The following UNC79 variants were observed in gnomAD, a reference collection of about 807,000 sequenced individuals.
UNC79 encodes unc-79 subunit of NALCN channel complex, also known as protein unc-79 homolog.
Under a neutral mutation model 283.1 loss-of-function variants are expected in UNC79, and 37 were observed. The observed-to-expected ratio is 0.13, with a 90% CI of 0.10 to 0.17. The LOEUF (loss-of-function observed/expected upper bound fraction) is 0.17, where lower values mean the gene tolerates loss of function less well. Ranked by LOEUF, UNC79 falls within the 10% of genes least tolerant of loss-of-function variation. The pLI is 1.00. For missense variants in UNC79, 2,272 were observed against 3,211.1 expected (o/e 0.71, Z 7.07); for synonymous variants, 1,107 against 1,200.2 (o/e 0.92, Z 1.61).
At chr14:93,541,954 G>A (rs1171725456) in intron 13 of UNC79, among the ~76,000 whole-genome samples, 5 of 141,580 alleles carry the variant, frequency 3.5e-5, no homozygotes, top group African/African-American at 1.3e-4. Flanking sequence ...GCAGTGAGCC[G>A]AGATCGCGCC....
At chr14:93,487,816 A>G (rs2058518791) in intron 5 of UNC79, 61 bp downstream of exon 5, 2 of 1,498,146 alleles carry the variant, frequency 1.3e-6, no homozygotes, top group Non-Finnish European at 1.8e-6. Context: ...AAGACATCAA[A>G]CAAGCAGGCT....
chr14:93,622,674 A>G, exon 30 of UNC79: 2 of 1,614,190 alleles, frequency 1.2e-6, no homozygotes, highest in Non-Finnish European at 1.7e-6. Flanking sequence ...ACAGAACAGA[A>G]TCCTGAAAGG....
At chr14:93,574,915 G>C (rs2063390279) in intron 16 of UNC79, 143 bp from the exon 17 acceptor site, 1 of 875,072 alleles carries the variant, frequency 1.1e-6, no homozygotes, top group Non-Finnish European at 1.7e-6. Context: ...AAAATTGGAG[G>C]ATGACTGTGT....
At position 93,474,064 on chromosome 14, in the gene UNC79, T is replaced by C. The variant is rs1218916365; in HGVS notation, c.144-25T>C. ...CTGTTCTTTGTGTCTTTGTTGTCTC[T>C]TTTTTTTCTTTGTCCCCCCAACAGC... On this transcript the variant is annotated intron_variant, in intron 2 of 48. Coordinates refer to ENST00000555664, the Ensembl canonical transcript of UNC79. This position sits in a 1 kb window ranked among gnomAD's most constrained non-coding sequence, Gnocchi z 4.1. The C allele has an allele frequency of 2.7e-6, 4 of 1,504,112 alleles. No individual in the cohort carries two copies. Among genetic ancestry groups the C allele is most frequent in the Non-Finnish European group, 3.5e-6 (4 of 1,129,218 alleles). The allele number at this position is 1,504,112 out of a possible 1,614,324, so 93.2% of individuals were successfully genotyped here.
At chr14:93,394,624 T>C (rs2054955802) in intron 1 of UNC79, among the ~76,000 whole-genome samples, 1 of 152,120 alleles carries the variant, frequency 6.6e-6, no homozygotes, top group African/African-American at 2.4e-5. Context: ...TTGGCCATGC[T>C]GGCCTTGAGC....
chr14:93,398,069 C>G lies in UNC79; in HGVS notation c.-351+64546C>G, dbSNP rs533219274. On this transcript the variant is annotated intron_variant, in intron 1 of 49. Transcript: ENST00000256339. ...CTTTTATGGAGAATTTCAGAGGTCCCTACTCCACCATTTTCAATGATGTCT... is the reference window on the plus strand; with the variant it reads ...CTTTTATGGAGAATTTCAGAGGTCCGTACTCCACCATTTTCAATGATGTCT... Among the ~76,000 whole-genome samples, 165 of 152,244 alleles carry G rather than the reference C, an allele frequency of 1.1e-3. 1 individual carries two copies. Among genetic ancestry groups the G allele is most frequent in the Admixed American group, 2.8e-3 (43 of 15,286 alleles).
At chr14:93,614,579 A>G (rs1479643861) in intron 27 of UNC79, among the ~76,000 whole-genome samples, 2 of 151,880 alleles carry the variant, frequency 1.3e-5, no homozygotes, top group Non-Finnish European at 2.9e-5. Context: ...TTGGCCTCCC[A>G]AAGTGCTAGA....
chr14:93,516,460 G>GT (rs2060066261), intron 7 of UNC79, among the ~76,000 whole-genome samples: 1 of 109,656 alleles, frequency 9.1e-6, no homozygotes, highest in Admixed American at 1.1e-4. Context: ...TGGGGGGGGG[G>GT]GTGGGGGATG....
At chr14:93,696,243 G>T (rs1376588705) in intron 47 of UNC79, among the ~76,000 whole-genome samples, 1 of 152,016 alleles carries the variant, frequency 6.6e-6, no homozygotes, top group African/African-American at 2.4e-5. Flanking sequence ...TCCAGTTTGG[G>T]GCTTTTACAG....
chr14:93,362,015 C>A (rs1455417623), intron 1 of UNC79, among the ~76,000 whole-genome samples: 1 of 152,128 alleles, frequency 6.6e-6, no homozygotes, highest in Non-Finnish European at 1.5e-5. Context: ...GTTGAACCAA[C>A]CTTGCATCTC....
In UNC79 at chr14:93,477,589, A is replaced by C. The variant is rs369024567; in HGVS notation, c.480A>C (p.Thr160=). The change falls in exon 4 of 49, where the codon ACA becomes ACC. Residue 160 remains threonine, a synonymous_variant. Transcript: ENST00000555664. ...GACAGTCGATATTTTATACAACTACATGTTTGCTACCTTTTCTCAATGATG... is the reference window on the plus strand; with the variant it reads ...GACAGTCGATATTTTATACAACTACCTGTTTGCTACCTTTTCTCAATGATG... 3.5e-5 allele frequency: 57 copies of C among 1,609,336 alleles called. No individual in the cohort carries two copies. In the African/African-American group the frequency reaches 5.7e-4, roughly 16 times the overall value.
intron 14 of UNC79, among the ~76,000 whole-genome samples, chr14:93,549,915 C>T (rs1167780203): frequency 6.6e-6 from 1 of 152,186 alleles, no homozygotes; most frequent in Admixed American, 6.5e-5. Flanking sequence ...AAGAAGACAG[C>T]TTTAGGCTAG....
At chr14:93,520,292 G>C (rs1228012840) in intron 7 of UNC79, among the ~76,000 whole-genome samples, 1 of 151,746 alleles carries the variant, frequency 6.6e-6, no homozygotes, top group African/African-American at 2.4e-5. Context: ...TTGTTCCCCT[G>C]TAAGTAATGT....
intron 22 of UNC79, among the ~76,000 whole-genome samples, chr14:93,591,630 A>G (rs79353411): frequency 0.015 from 2,218 of 152,350 alleles, 54 homozygotes; most frequent in African/African-American, 0.051. Flanking sequence ...AATGGTGAGC[A>G]GCTGCAGCTG....
intron 37 of UNC79, 28 bp downstream of exon 40, chr14:93,654,053 C>T (rs765198527): frequency 3.5e-5 from 57 of 1,606,812 alleles, no homozygotes; most frequent in Non-Finnish European, 4.6e-5. Context: ...ACACCCTAAG[C>T]CCCAGCCGAA....
intron 1 of UNC79, among the ~76,000 whole-genome samples, chr14:93,344,871 A>G (rs1201622455): frequency 1.3e-5 from 2 of 152,196 alleles, no homozygotes; most frequent in Non-Finnish European, 2.9e-5. Flanking sequence ...TTGATTGGTT[A>G]GGGTAAGATT....
rs564899568 is a variant in UNC79 at position 93,651,748 on chromosome 14, G to GT, written c.6084-1986dup. Among the ~76,000 whole-genome samples the GT allele has an allele frequency of 4.1e-3, 621 of 150,648 alleles. 6 individuals are homozygous for GT. The highest frequency in any genetic ancestry group is 0.014 in the African/African-American group (587 of 41,114). On this transcript the variant is annotated intron_variant, in intron 35 of 48. Coordinates refer to ENST00000555664, the Ensembl canonical transcript of UNC79. Reference sequence around the variant, plus strand: ...GATCTTTATGCCTTTTGTTTCTTTTGTTTTTTTTGAAACAGAGTTTCGCTC... The same window carrying GT: ...GATCTTTATGCCTTTTGTTTCTTTTGTTTTTTTTTGAAACAGAGTTTCGCTC...
chr14:93,660,650 T>C (rs2071498495), intron 39 of UNC79, among the ~76,000 whole-genome samples: 1 of 150,098 alleles, frequency 6.7e-6, no homozygotes, highest in Admixed American at 6.7e-5. Flanking sequence ...AGTGCAGTGA[T>C]GCCAACTTGG....
intron 42 of UNC79, among the ~76,000 whole-genome samples, chr14:93,684,125 G>A (rs1253327020): frequency 6.6e-6 from 1 of 152,080 alleles, no homozygotes; most frequent in Non-Finnish European, 1.5e-5. Context: ...TAGGGACTCC[G>A]CTGCTCCGTA....
Sources: gnomAD v4.1 joint callset for allele counts (sites outside exome capture counted in the v4.1 genomes callset) on GRCh38, gnomAD v4.1.1 for gene constraint, Gnocchi (gnomAD v3.1) non-coding constraint, MANE v1.5 for transcripts, NCBI Gene and HGNC (gene_info 2026-07-23, HGNC 2026-07-21) for gene names.